RIC8B: variants seen among roughly 807,000 people sequenced by gnomAD.
RIC8B encodes the protein RIC8 guanine nucleotide exchange factor B.
Under a neutral mutation model 57.5 loss-of-function variants are expected in RIC8B, and 16 were observed. That is an observed-to-expected ratio of 0.28 (90% CI 0.19 to 0.42). The LOEUF is 0.42. RIC8B is among the 10% of genes least tolerant of loss of function. The pLI is 1.00. For missense variants in RIC8B, 481 were observed against 677.0 expected (o/e 0.71, Z 3.21); for synonymous variants, 216 against 250.8 (o/e 0.86, Z 1.31).
intron 4 of RIC8B, among the ~76,000 whole-genome samples, chr12:106,830,852 C>T (rs544423524): frequency 9.2e-5 from 14 of 152,110 alleles, no homozygotes; most frequent in East Asian, 1.9e-4. Context: ...AATAACAATT[C>T]GAGACAGGGA....
At chr12:106,822,033 G>C (rs12368479) in intron 3 of RIC8B, among the ~76,000 whole-genome samples, 5,844 of 137,416 alleles carry the variant, frequency 0.043, 144 homozygotes, top group South Asian at 0.08. Flanking sequence ...AGCCAAGATC[G>C]TGCCACTGCA....
intron 8 of RIC8B, 92 bp from the exon 9 acceptor site, chr12:106,870,731 T>C: frequency 9.4e-7 from 1 of 1,061,576 alleles, no homozygotes. Flanking sequence ...GCTATTATAC[T>C]CTTTCTTATT....
chr12:106,859,345 C>A (rs1400105563), intron 7 of RIC8B, among the ~76,000 whole-genome samples: 1 of 152,106 alleles, frequency 6.6e-6, no homozygotes, highest in Non-Finnish European at 1.5e-5. Flanking sequence ...GTGTCCCTTG[C>A]AAAAGTTGTG....
At chr12:106,777,005 G>A (rs892782247) in intron 1 of RIC8B, among the ~76,000 whole-genome samples, 4 of 152,136 alleles carry the variant, frequency 2.6e-5, no homozygotes, top group African/African-American at 4.8e-5. Context: ...CTACAGGTGC[G>A]TGCAACAGCA....
At chr12:106,781,550 A>G (rs1024909402) in intron 1 of RIC8B, among the ~76,000 whole-genome samples, 1 of 152,182 alleles carries the variant, frequency 6.6e-6, no homozygotes, top group African/African-American at 2.4e-5. Flanking sequence ...TTCCAGATTC[A>G]ATTTGTAGTG....
chr12:106,884,758 T>TCCCCCCCCC (rs1951098307), intron 9 of RIC8B, among the ~76,000 whole-genome samples: 1 of 152,164 alleles, frequency 6.6e-6, no homozygotes, highest in South Asian at 2.1e-4. Context: ...TTCTCACTCC[T>TCCCCCCCCC]CCCCAGGAGA....
At chr12:106,806,742 A>G (rs903859467) in intron 2 of RIC8B, among the ~76,000 whole-genome samples, 2 of 152,114 alleles carry the variant, frequency 1.3e-5, no homozygotes, top group African/African-American at 4.8e-5. Flanking sequence ...AGACAGGGGA[A>G]TTGCTTGAAC....
chr12:106,819,960 A>C (rs926866771), intron 3 of RIC8B, among the ~76,000 whole-genome samples: 2 of 152,044 alleles, frequency 1.3e-5, no homozygotes, highest in African/African-American at 4.8e-5. Context: ...TTCTAGGTAC[A>C]TTCCTGAAAT....
At chr12:106,802,534 A>ATTTT (rs34706345) in intron 2 of RIC8B, among the ~76,000 whole-genome samples, 8 of 102,194 alleles carry the variant, frequency 7.8e-5, no homozygotes, top group African/African-American at 2.7e-4. Context: ...CAATATGAGA[A>ATTTT]TTTTTTTTTT....
At chr12:106,832,859 G>A (rs908576344) in intron 4 of RIC8B, among the ~76,000 whole-genome samples, 5 of 152,010 alleles carry the variant, frequency 3.3e-5, no homozygotes, top group Admixed American at 1.3e-4. Flanking sequence ...TGGCTCTCTC[G>A]CTGCCCAAGG....
At chr12:106,840,854 T>C (rs1374301382) in intron 4 of RIC8B, among the ~76,000 whole-genome samples, 1 of 152,210 alleles carries the variant, frequency 6.6e-6, no homozygotes, top group Non-Finnish European at 1.5e-5. Context: ...CAGAGCATCA[T>C]ACGGTCAGTG....
At chr12:106,830,899 C>T (rs2046326374) in intron 4 of RIC8B, among the ~76,000 whole-genome samples, 2 of 152,012 alleles carry the variant, frequency 1.3e-5, no homozygotes, top group South Asian at 4.1e-4. Flanking sequence ...AGTAGTTTCC[C>T]AGTAAATTAA....
rs201229100 is a variant in RIC8B, at chr12:106,866,697, ATAATT to A, written c.1452-4120_1452-4116del. Among the ~76,000 whole-genome samples, 396 of 152,340 alleles carry A rather than the reference ATAATT, an allele frequency of 2.6e-3. 7 individuals are homozygous for A. In the East Asian group the frequency reaches 0.044, roughly 17 times the overall value. ...GCTTGTTTTACACAGTGTTCTTAAA[ATAATT>A]TAATTACTTAGCAACATTTAGAATT... is the stretch of plus-strand genomic sequence containing the variant. On this transcript the variant is annotated intron_variant, in intron 8 of 9. Coordinates refer to ENST00000392837, the MANE Select transcript of RIC8B (RefSeq NM_001330145.2).
chr12:106,872,901 A>G, intron 9 of RIC8B: 1 of 433,226 alleles, frequency 2.3e-6, no homozygotes, highest in Non-Finnish European at 3.1e-6. Context: ...AGACAGGGGA[A>G]ATAACTGCCT....
intron 3 of RIC8B, among the ~76,000 whole-genome samples, chr12:106,816,970 T>C (rs948987521): frequency 1.3e-5 from 2 of 152,204 alleles, no homozygotes; most frequent in African/African-American, 2.4e-5. Flanking sequence ...TCAGTTGATA[T>C]AGCCATTATA....
Position 106,814,935 on chromosome 12 carries a change from A to G in RIC8B, c.372A>G (p.Ile124Met). The G allele has an allele frequency of 1.9e-6, 3 of 1,614,224 alleles. No individual in the cohort carries two copies. Among genetic ancestry groups the G allele is most frequent in the Non-Finnish European group, 1.7e-6 (2 of 1,180,036 alleles). Residue 124 changes from isoleucine (I) to methionine (M), a missense_variant, in exon 3 of 10, where the codon ATA becomes ATG. Around this residue, in one of 3 missense-constraint regions of RIC8B, gnomAD observed 421 missense variants for 560.9 expected, o/e 0.75. Transcript: ENST00000392837. Reference protein sequence around the residue: ...IVESLKCLCNIVFNSQMAQQL... With the variant: ...IVESLKCLCNMVFNSQMAQQL... ...AGTCATTAAAATGTCTGTGTAATAT[A>G]GTGTTCAACAGTCAGATGGCACAGC...
chr12:106,807,165 G>C (rs912355706), intron 2 of RIC8B, among the ~76,000 whole-genome samples: 2 of 152,276 alleles, frequency 1.3e-5, no homozygotes, highest in Middle Eastern at 3.4e-3. Context: ...GTTTGTTCCA[G>C]TCCAACCCAT....
At chr12:106,790,024 G>T (rs2044199405) in intron 2 of RIC8B, among the ~76,000 whole-genome samples, 1 of 151,760 alleles carries the variant, frequency 6.6e-6, no homozygotes, top group Non-Finnish European at 1.5e-5. Context: ...ATAGTGTTTT[G>T]CAGTTTTACA....
At chr12:106,797,872 G>C (rs1458641216) in intron 2 of RIC8B, 9 of 443,152 alleles carry the variant, frequency 2.0e-5, no homozygotes, top group Non-Finnish European at 3.2e-5. Context: ...AGCTTAGGCA[G>C]CCTGGCTCCA....
Sources: allele counts gnomAD v4.1 joint callset (sites outside exome capture counted in the v4.1 genomes callset), GRCh38; gene constraint gnomAD v4.1.1; regional missense constraint gnomAD v4.1.1; transcripts MANE v1.5; gene names NCBI Gene and HGNC (gene_info 2026-07-23, HGNC 2026-07-21).